Variants in MVD observed in about 807,000 individuals in gnomAD.
MVD encodes mevalonate diphosphate decarboxylase.
In MVD, 52 loss-of-function variants were observed where a neutral mutation model predicts 42.4. The observed-to-expected ratio is 1.23, with a 90% CI of 0.98 to 1.55. The LOEUF (loss-of-function observed/expected upper bound fraction) is 1.55, where lower values mean the gene tolerates loss of function less well. Among genes scored for constraint, MVD ranks in the 40% most tolerant of loss-of-function variants. The pLI, the probability that MVD is intolerant of heterozygous loss-of-function variation, is 0.00. For synonymous variants in MVD, 287 were observed against 243.2 expected, an observed-to-expected ratio of 1.18 and a Z score of -1.68; for missense variants, 663 against 572.1, an observed-to-expected ratio of 1.16 and a Z score of -1.62.
chr16:88,655,605 G>C (rs754337023), intron 6 of MVD, 51 bp downstream of exon 6: 2 of 1,540,898 alleles, frequency 1.3e-6, no homozygotes, highest in African/African-American at 2.7e-5. Context: ...GGGCAGAGCC[G>C]GGCACAAGCG....
chr16:88,653,020 C>T lies in MVD; in HGVS notation c.1122+280G>A, dbSNP rs551651573. The stretch of plus-strand genomic sequence containing the variant: ...GGACCCCAGCAGCCCCCACCCCAGG[C>T]GCTCCCTATTCAAGGGTCTGATACT... On this transcript the variant is annotated intron_variant, in intron 9 of 9. Transcript: ENST00000301012. Among the ~76,000 whole-genome samples, 456 of 152,230 alleles carry T rather than the reference C, an allele frequency of 3.0e-3. 1 individual carries two copies. Among genetic ancestry groups the T allele is most frequent in the Admixed American group, 5.2e-3 (79 of 15,306 alleles).
chr16:88,657,683 C>A, intron 3 of MVD, 101 bp from the exon 4 acceptor site: 2 of 1,501,386 alleles, frequency 1.3e-6, no homozygotes, highest in Non-Finnish European at 1.8e-6. Context: ...CAGGCCTCTG[C>A]CTGCCAGACT....
At chr16:88,655,951 T>A in intron 5 of MVD, 154 bp downstream of exon 5, 1 of 1,206,838 alleles carries the variant, frequency 8.3e-7, no homozygotes, top group Non-Finnish European at 1.1e-6. Context: ...GAGCGGTTCC[T>A]GAGCACTCAA....
At chr16:88,655,543 C>G (rs1226358128) in intron 6 of MVD, 113 bp downstream of exon 6, 1 of 1,511,158 alleles carries the variant, frequency 6.6e-7, no homozygotes, top group Non-Finnish European at 8.9e-7. Context: ...TGCACGTGGT[C>G]TTGGCGGGGC....
In MVD at chr16:88,661,221, A is replaced by G. The variant is rs536824513; in HGVS notation, c.70+1790T>C. Reference sequence around the variant, plus strand: ...TGGAGGAAAGCAGACAATCTTCAGGACATAGGGCTAAGCAAAGAGGTCTTA... The same window carrying G: ...TGGAGGAAAGCAGACAATCTTCAGGGCATAGGGCTAAGCAAAGAGGTCTTA... On this transcript the variant is annotated intron_variant, in intron 1 of 9. Coordinates refer to ENST00000301012, the MANE Select transcript of MVD (RefSeq NM_002461.3). Among the ~76,000 whole-genome samples, 3 of 152,238 alleles carry G rather than the reference A, an allele frequency of 2.0e-5. No homozygotes were observed. The East Asian group carries it at 5.8e-4, about 29-fold the overall frequency.
intron 1 of MVD, 193 bp downstream of exon 1, chr16:88,662,818 C>G: frequency 6.9e-7 from 1 of 1,459,464 alleles, no homozygotes; most frequent in Non-Finnish European, 9.0e-7. Flanking sequence ...GAACGGGTGG[C>G]GCCGAGCTTG....
chr16:88,654,627 T>A, intron 8 of MVD, 65 bp downstream of exon 8: 1 of 1,503,800 alleles, frequency 6.6e-7, no homozygotes, highest in Non-Finnish European at 9.0e-7. Flanking sequence ...GGTGCCTCCG[T>A]CTCTTCCGAC....
At chr16:88,660,045 C>T (rs1001123026) in intron 1 of MVD, among the ~76,000 whole-genome samples, 12 of 151,956 alleles carry the variant, frequency 7.9e-5, no homozygotes, top group Admixed American at 3.9e-4. Context: ...AACAGTGCCC[C>T]GCCCCCTTTC....
chr16:88,653,639 G>A (rs115635283), intron 8 of MVD: 9 of 505,334 alleles, frequency 1.8e-5, no homozygotes, highest in South Asian at 1.0e-4. Flanking sequence ...CCTCAACACC[G>A]CAGGATTATA....
intron 3 of MVD, 65 bp downstream of exon 3, chr16:88,657,850 A>G: frequency 6.6e-6 from 10 of 1,525,740 alleles, no homozygotes; most frequent in Non-Finnish European, 9.0e-6. Flanking sequence ...AGGCAGAAGC[A>G]CTTTCTGGAT....
At chr16:88,657,130 T>TGG (rs9302778) in intron 4 of MVD, 7,160 of 458,860 alleles carry the variant, frequency 0.016, 18 homozygotes, top group Non-Finnish European at 0.019. Flanking sequence ...TTTGTAGAGA[T>TGG]GGGGGGGGGT....
chr16:88,655,026 A>T (rs1354081574), intron 7 of MVD, 173 bp downstream of exon 7: 1 of 956,822 alleles, frequency 1.0e-6, no homozygotes, highest in African/African-American at 1.7e-5. Flanking sequence ...GCAAGTCAAG[A>T]AACAAAATGA....
chr16:88,657,519 C>A lies in MVD; in HGVS notation c.320G>T (p.Ser107Ile), dbSNP rs539888157. 6.4e-5 allele frequency: 104 copies of A among 1,612,688 alleles called. No homozygotes were observed. Among genetic ancestry groups the A allele is most frequent in the Non-Finnish European group, 8.4e-5 (99 of 1,179,940 alleles). The part of the protein sequence containing the change: ...RDGDPLPSSL[S>I]CKVHVASVNN... ...CACCGATGCCACGTGCACCTTGCAG[C>A]TGAGGCTGGAGGGCAGCGGGTCCCC... The change falls in exon 4 of 10, where the codon AGC becomes ATC. Residue 107 changes from serine to isoleucine, a missense_variant. Physicochemically the swap from Ser to Ile is moderately radical, Grantham distance 142 (BLOSUM62 -2). Coordinates refer to ENST00000301012, the MANE Select transcript of MVD (RefSeq NM_002461.3).
chr16:88,652,491 T>C lies in MVD; in HGVS notation c.*34A>G. 2 of 1,551,798 alleles carry C rather than the reference T, an allele frequency of 1.3e-6. No homozygotes were observed. The highest frequency in any genetic ancestry group is 1.7e-4 in the Middle Eastern group (1 of 5,932). ...TCCCTAGCTCCGGCGAGGCCACCCC[T>C]TCTCCAAGCGGCATGCGGTCCCTGC... On this transcript the variant is annotated 3_prime_UTR_variant, in exon 10 of 10. Transcript: ENST00000301012.
At chr16:88,662,786 A>C in intron 1 of MVD, 3 of 1,479,328 alleles carry the variant, frequency 2.0e-6, no homozygotes, top group Non-Finnish European at 2.7e-6. Context: ...GCGACCCTGC[A>C]GGGGCGGCAG....
intron 1 of MVD, chr16:88,662,105 A>G (rs12933657): frequency 0.14 from 21,966 of 152,156 alleles, 1,782 homozygotes; most frequent in Middle Eastern, 0.26. Context: ...TGTATACAAC[A>G]TTTTATGGCA....
In MVD at chr16:88,652,574, G is replaced by A. The variant is rs534734438; in HGVS notation, c.1154C>T (p.Pro385Leu). ...GTCAGGACCCAGGAGGTGGGCGCAG[G>A]GGTCATCCAGGATTTGAGGCCCTGG... is the stretch of plus-strand genomic sequence containing the variant. ...VGPGPQILDD[P>L]CAHLLGPDGL... The change falls in exon 10 of 10, where the codon CCC becomes CTC. Residue 385 changes from proline to leucine, a missense_variant. By Grantham distance (98) the Pro-to-Leu change is moderately conservative (BLOSUM62 -3). Coordinates refer to ENST00000301012, the MANE Select transcript of MVD (RefSeq NM_002461.3). The A allele has an allele frequency of 1.3e-6, 2 of 1,569,114 alleles. No homozygotes were observed. Among genetic ancestry groups the A allele is most frequent in the South Asian group, 2.3e-5 (2 of 85,364 alleles).
At position 88,655,766 on chromosome 16, in the gene MVD, C is replaced by T. The variant is rs1907880571; in HGVS notation, c.604-36G>A. On this transcript the variant is annotated intron_variant, in intron 5 of 9. Transcript: ENST00000301012. ...GAGAGACAGCCTGGGCCACACCCTG[C>T]AGGGGGCCAGCCCCAAGGACCTCAG... 4 of 1,545,818 alleles carry T rather than the reference C, an allele frequency of 2.6e-6. No individual in the cohort carries two copies. The South Asian group carries it at 3.6e-5, about 14-fold the overall frequency.
Position 88,663,046 on chromosome 16 carries a change from C to G in MVD, c.35G>C (p.Cys12Ser), listed in dbSNP as rs746844528. 5 of 1,610,422 alleles carry G rather than the reference C, an allele frequency of 3.1e-6. No homozygotes were observed. The East Asian group carries it at 6.7e-5, about 22-fold the overall frequency. The change falls in exon 1 of 10, where the codon TGT becomes TCT. Residue 12 changes from cysteine (C) to serine (S), a missense_variant. Coordinates refer to ENST00000301012, the MANE Select transcript of MVD (RefSeq NM_002461.3). ...GACCGCGATGTTGACCGGCGCTGTA[C>G]AAGTGACTGCCGCCAGCGGCTTCTC... Reference protein sequence around the residue: ...ASEKPLAAVTCTAPVNIAVIK... With the variant: ...ASEKPLAAVTSTAPVNIAVIK...
Sources: allele counts gnomAD v4.1 joint callset (sites outside exome capture counted in the v4.1 genomes callset), GRCh38; gene constraint gnomAD v4.1.1; transcripts MANE v1.5; gene names NCBI Gene and HGNC (gene_info 2026-07-23, HGNC 2026-07-21).